Variants in ROBO2 observed in about 807,000 individuals in gnomAD.
ROBO2 encodes roundabout homolog 2.
In ROBO2, 53 loss-of-function variants were observed where a neutral mutation model predicts 160.8. The ratio of observed to expected loss-of-function variants is 0.33; its 90% confidence interval spans 0.26 to 0.41. ROBO2 has a LOEUF of 0.41. ROBO2 is among the 10% of genes least tolerant of loss of function. The probability of loss-of-function intolerance (pLI) is 1.00; values close to 1 mark genes in which losing one functional copy is unlikely to be tolerated. For missense variants in ROBO2, 1,577 were observed against 1,722.4 expected (o/e 0.92, Z 1.49); for synonymous variants, 664 against 611.7 (o/e 1.09, Z -1.26).
At chr3:76,020,471 T>C (rs912057228) in intron 2 of ROBO2, among the ~76,000 whole-genome samples, 4 of 151,866 alleles carry the variant, frequency 2.6e-5, no homozygotes, top group Non-Finnish European at 5.9e-5. Flanking sequence ...CTTTAAGTTT[T>C]TATTTAAATT....
intron 2 of ROBO2, among the ~76,000 whole-genome samples, chr3:76,563,311 G>A (rs1413569499): frequency 6.6e-6 from 1 of 152,086 alleles, no homozygotes; most frequent in Non-Finnish European, 1.5e-5. Flanking sequence ...ATATATTAAT[G>A]GATTGTGTGA....
intron 5 of ROBO2, among the ~76,000 whole-genome samples, chr3:77,510,434 C>A (rs573862381): frequency 6.6e-6 from 1 of 152,022 alleles, no homozygotes; most frequent in East Asian, 2.0e-4. Flanking sequence ...ATGGCAGGAT[C>A]CGACATTTGA....
At chr3:75,982,827 G>A (rs1228932730) in intron 2 of ROBO2, among the ~76,000 whole-genome samples, 1 of 151,388 alleles carries the variant, frequency 6.6e-6, no homozygotes. Flanking sequence ...ACCTATGCAA[G>A]TCCTCAGAAT....
At chr3:77,113,520 T>C (rs2150201023) in intron 2 of ROBO2, among the ~76,000 whole-genome samples, 1 of 152,342 alleles carries the variant, frequency 6.6e-6, no homozygotes, top group East Asian at 1.9e-4. Flanking sequence ...TTTCCTTTCC[T>C]GACACATTAT....
chr3:76,813,103 T>C (rs922147269), intron 2 of ROBO2, among the ~76,000 whole-genome samples: 1 of 151,996 alleles, frequency 6.6e-6, no homozygotes, highest in Non-Finnish European at 1.5e-5. Flanking sequence ...CGAGTGAACA[T>C]AGCACACAGA....
chr3:76,000,858 A>T (rs757380587), intron 2 of ROBO2, among the ~76,000 whole-genome samples: 1 of 152,276 alleles, frequency 6.6e-6, no homozygotes, highest in Non-Finnish European at 1.5e-5. Flanking sequence ...TATATCCCTC[A>T]GCATTTAAAA....
At chr3:76,731,007 C>T (rs527691282) in intron 2 of ROBO2, among the ~76,000 whole-genome samples, 1 of 102,140 alleles carries the variant, frequency 9.8e-6, no homozygotes, top group African/African-American at 3.6e-5. Flanking sequence ...CTACTCCCTA[C>T]CCGCTTTTCC....
exon 26 of ROBO2, chr3:77,648,018 A>G (rs2095424430): frequency 6.6e-6 from 1 of 152,148 alleles, no homozygotes; most frequent in Non-Finnish European, 1.5e-5. Context: ...TTCTTCGCTG[A>G]AGAGAAAAAG....
intron 2 of ROBO2, among the ~76,000 whole-genome samples, chr3:77,110,420 T>G (rs180953904): frequency 9.2e-5 from 14 of 152,230 alleles, no homozygotes; most frequent in African/African-American, 3.4e-4. Flanking sequence ...ATACATAGTA[T>G]CATTAACATT....
intron 2 of ROBO2, among the ~76,000 whole-genome samples, chr3:76,038,798 G>A (rs759250070): frequency 5.5e-4 from 22 of 39,848 alleles, no homozygotes; most frequent in Non-Finnish European, 7.7e-4. Context: ...GTGTATGTAT[G>A]TGTGTGTGTG....
At chr3:76,805,204 C>T (rs1415002865) in intron 2 of ROBO2, among the ~76,000 whole-genome samples, 1 of 151,928 alleles carries the variant, frequency 6.6e-6, no homozygotes, top group East Asian at 1.9e-4. Context: ...CTTTTCTTGA[C>T]TCTGTCAATA....
intron 2 of ROBO2, among the ~76,000 whole-genome samples, chr3:77,135,692 G>A (rs1313006496): frequency 1.3e-5 from 2 of 152,032 alleles, no homozygotes; most frequent in Non-Finnish European, 2.9e-5. Flanking sequence ...TTACAAGCGT[G>A]AGCCACCACA....
At chr3:75,981,905 C>A (rs1037615587) in intron 2 of ROBO2, among the ~76,000 whole-genome samples, 2 of 151,208 alleles carry the variant, frequency 1.3e-5, no homozygotes, top group South Asian at 4.1e-4. Flanking sequence ...CCACCCTCTG[C>A]CCCCTCCCAA....
intron 12 of ROBO2, among the ~76,000 whole-genome samples, chr3:77,565,944 A>G (rs565219027): frequency 6.6e-6 from 1 of 152,234 alleles, no homozygotes; most frequent in African/African-American, 2.4e-5. Context: ...ACAAGTAGGA[A>G]AAAGAAATTA....
At chr3:77,646,408 T>C in exon 26 of ROBO2, 1 of 208,774 alleles carries the variant, frequency 4.8e-6, no homozygotes, top group Non-Finnish European at 9.5e-6. Context: ...TTCTTATTGG[T>C]CTGTTGTACT....
At chr3:77,498,506 A>C (rs1394582067) in intron 5 of ROBO2, among the ~76,000 whole-genome samples, 1 of 152,110 alleles carries the variant, frequency 6.6e-6, no homozygotes, top group Admixed American at 6.6e-5. Context: ...GTGCAAGTCT[A>C]TTTTAAGAGA....
chr3:77,454,993 G>T lies in ROBO2; in HGVS notation c.389-22421G>T, dbSNP rs187336098. The stretch of plus-strand genomic sequence containing the variant: ...TAAAAGTGGCTTAAACTAGGAGATG[G>T]CGAGAAAAAATGGATTAGTAGTTTG... On this transcript the variant is annotated intron_variant, in intron 2 of 25. Coordinates refer to ENST00000461745, the Ensembl canonical transcript of ROBO2. Among the ~76,000 whole-genome samples the T allele has an allele frequency of 6.9e-4, 105 of 152,178 alleles. 1 individual carries two copies. Among genetic ancestry groups the T allele is most frequent in the African/African-American group, 1.8e-3 (74 of 41,546 alleles).
chr3:76,015,978 C>T (rs1288013292), intron 2 of ROBO2, among the ~76,000 whole-genome samples: 1 of 152,028 alleles, frequency 6.6e-6, no homozygotes, highest in African/African-American at 2.4e-5. Context: ...ATGGGATTGG[C>T]AGAAAAAATG....
chr3:77,258,742 C>T (rs1338774430), intron 2 of ROBO2, among the ~76,000 whole-genome samples: 1 of 152,132 alleles, frequency 6.6e-6, no homozygotes, highest in East Asian at 1.9e-4. Context: ...AGCATCAAGG[C>T]CTCCTTAATG....
Sources: allele counts gnomAD v4.1 joint callset (sites outside exome capture counted in the v4.1 genomes callset), GRCh38; gene constraint gnomAD v4.1.1; transcripts MANE v1.5; gene names NCBI Gene and HGNC (gene_info 2026-07-23, HGNC 2026-07-21).